The following CLVS1 variants were observed in gnomAD, a reference collection of about 807,000 sequenced individuals.
CLVS1 encodes clavesin-1.
A neutral mutation model predicts 33.1 loss-of-function variants in CLVS1; 10 were observed. That is an observed-to-expected ratio of 0.30 (90% CI 0.19 to 0.51). The LOEUF is 0.51. Ranked by LOEUF, CLVS1 falls within the 20% of genes least tolerant of loss-of-function variation. The probability of loss-of-function intolerance (pLI) is 0.97; values close to 1 mark genes in which losing one functional copy is unlikely to be tolerated. For synonymous variants in CLVS1, 163 were observed against 166.1 expected (o/e 0.98, Z 0.14); for missense variants, 343 against 433.4 (o/e 0.79, Z 1.85).
intron 3 of CLVS1, among the ~76,000 whole-genome samples, chr8:61,410,790 A>ACCC: frequency 6.6e-6 from 1 of 151,550 alleles, no homozygotes; most frequent in South Asian, 2.1e-4. Flanking sequence ...TACAGGCGTG[A>ACCC]ACCACCACAA....
chr8:61,247,693 A>T (rs1283880253), intron 2 of CLVS1, among the ~76,000 whole-genome samples: 1 of 152,224 alleles, frequency 6.6e-6, no homozygotes, highest in Admixed American at 6.5e-5. Flanking sequence ...GCTGGATATT[A>T]GACCTTTGTC....
intron 2 of CLVS1, among the ~76,000 whole-genome samples, chr8:61,249,232 C>T (rs1808883224): frequency 6.6e-6 from 1 of 152,112 alleles, no homozygotes; most frequent in Admixed American, 6.5e-5. Context: ...CCTCCATGTC[C>T]CTGCAAAGGA....
intron 5 of CLVS1, among the ~76,000 whole-genome samples, chr8:61,488,162 A>T (rs1422588088): frequency 6.6e-6 from 1 of 152,234 alleles, no homozygotes; most frequent in African/African-American, 2.4e-5. Flanking sequence ...CATGGATTTA[A>T]CACTCCTTCT....
In CLVS1 at chr8:61,214,505, T is replaced by C. The variant is rs146565736; in HGVS notation, c.-152+82645T>C. Among the ~76,000 whole-genome samples, 469 of 152,182 alleles carry C rather than the reference T, an allele frequency of 3.1e-3. 14 individuals are homozygous for C. The highest frequency in any genetic ancestry group is 0.02 in the Admixed American group (305 of 15,298). ...ATCGGGGCAGGTTCCCCAATAGACA[T>C]AGATATGCACACAGGGAAGGTCATG... On this transcript the variant is annotated intron_variant, in intron 2 of 2. Coordinates refer to the CLVS1 transcript ENST00000522621.
intron 2 of CLVS1, among the ~76,000 whole-genome samples, chr8:61,309,441 C>T (rs1255568236): frequency 1.3e-5 from 2 of 152,198 alleles, no homozygotes; most frequent in Non-Finnish European, 2.9e-5. Context: ...AGTTCTCTCA[C>T]CTCCAAACCC....
At chr8:61,330,356 AG>A (rs1309651114) in intron 2 of CLVS1, among the ~76,000 whole-genome samples, 1 of 152,216 alleles carries the variant, frequency 6.6e-6, no homozygotes, top group African/African-American at 2.4e-5. Context: ...ACTCCAAATA[AG>A]AGTGTGGGAC....
Position 61,459,923 on chromosome 8 carries a change from T to C in CLVS1, c.977+1381T>C, listed in dbSNP as rs150902230. 2.5e-3 allele frequency among the ~76,000 whole-genome samples: 385 copies of C among 152,298 alleles called. 6 individuals are homozygous for C. Among genetic ancestry groups the C allele is most frequent in the Admixed American group, 0.013 (197 of 15,294 alleles). On this transcript the variant is annotated intron_variant, in intron 5 of 5. Transcript: ENST00000325897. ...TCTCCTTGGCTTGCACATGGCTGCCTTCTCCATGCGTCCTTACACGGTTTT... is the reference window on the plus strand; with the variant it reads ...TCTCCTTGGCTTGCACATGGCTGCCCTCTCCATGCGTCCTTACACGGTTTT...
chr8:61,165,526 G>T (rs1806845759), intron 2 of CLVS1, among the ~76,000 whole-genome samples: 1 of 152,136 alleles, frequency 6.6e-6, no homozygotes, highest in Admixed American at 6.5e-5. Flanking sequence ...CTCTCTGATT[G>T]GTTGGGTGTG....
At chr8:61,046,398 A>G in the CLVS1 span, among the ~76,000 whole-genome samples, 1 of 146,002 alleles carries the variant, frequency 6.8e-6, no homozygotes, top group Non-Finnish European at 1.5e-5. Flanking sequence ...GTAGCCTTGT[A>G]GTATAGTTTG....
intron 2 of CLVS1, among the ~76,000 whole-genome samples, chr8:61,198,693 A>T (rs1807667125): frequency 6.6e-6 from 1 of 152,082 alleles, no homozygotes; most frequent in South Asian, 2.1e-4. Flanking sequence ...GCCCCAATAG[A>T]TATTTTTCAT....
intron 4 of CLVS1, among the ~76,000 whole-genome samples, chr8:61,456,652 C>T (rs754362520): frequency 6.6e-6 from 1 of 152,024 alleles, no homozygotes; most frequent in Non-Finnish European, 1.5e-5. Context: ...CGCGGTGGCT[C>T]ACGCCTGTAA....
At chr8:61,438,547 A>G (rs1485096789) in intron 3 of CLVS1, among the ~76,000 whole-genome samples, 1 of 152,170 alleles carries the variant, frequency 6.6e-6, no homozygotes, top group Admixed American at 6.5e-5. Context: ...TATACCCAGT[A>G]ATGGGATTAC....
At chr8:61,043,320 A>C in the CLVS1 span, among the ~76,000 whole-genome samples, 1 of 152,254 alleles carries the variant, frequency 6.6e-6, no homozygotes, top group East Asian at 1.9e-4. Context: ...AGGGTAGTTA[A>C]TCAAAAGCAG....
the CLVS1 span, among the ~76,000 whole-genome samples, chr8:61,037,841 A>T: frequency 6.6e-6 from 1 of 152,174 alleles, no homozygotes; most frequent in Non-Finnish European, 1.5e-5. Flanking sequence ...ATTTATCATT[A>T]TTCATGGCAG....
At chr8:61,442,846 C>T (rs1816613198) in intron 3 of CLVS1, among the ~76,000 whole-genome samples, 1 of 152,278 alleles carries the variant, frequency 6.6e-6, no homozygotes, top group East Asian at 1.9e-4. Flanking sequence ...GATCCGCCCG[C>T]GTTGGCCTCC....
At chr8:60,983,756 G>A in the CLVS1 span, among the ~76,000 whole-genome samples, 111 of 152,320 alleles carry the variant, frequency 7.3e-4, no homozygotes, top group East Asian at 0.021. Flanking sequence ...ACGTAATTGT[G>A]CACACAGTGT....
At chr8:61,110,884 A>G (rs989459404) in intron 1 of CLVS1, among the ~76,000 whole-genome samples, 1 of 152,204 alleles carries the variant, frequency 6.6e-6, no homozygotes, top group Non-Finnish European at 1.5e-5. Flanking sequence ...CCTTTTTAAG[A>G]TGGAATAATA....
chr8:61,450,786 A>C (rs1816924105), intron 3 of CLVS1, among the ~76,000 whole-genome samples: 1 of 152,232 alleles, frequency 6.6e-6, no homozygotes, highest in Admixed American at 6.5e-5. Context: ...ACAGAAAAAA[A>C]GAGAAGTGAA....
At chr8:61,215,480 T>G (rs1452431535) in intron 2 of CLVS1, among the ~76,000 whole-genome samples, 2 of 151,990 alleles carry the variant, frequency 1.3e-5, no homozygotes. Flanking sequence ...GTCAACCTCA[T>G]GAGCTAGCTT....
Sources: allele counts gnomAD v4.1 joint callset (sites outside exome capture counted in the v4.1 genomes callset), GRCh38; gene constraint gnomAD v4.1.1; transcripts MANE v1.5; gene names NCBI Gene and HGNC (gene_info 2026-07-23, HGNC 2026-07-21).